The following ADAM32 variants were observed in gnomAD, a reference collection of about 807,000 sequenced individuals.
ADAM32 encodes the protein ADAM metallopeptidase domain 32, also known as disintegrin and metalloproteinase domain-containing protein 32.
ADAM32 carries 89 observed loss-of-function variants against 114.9 expected under a neutral mutation model. The ratio of observed to expected loss-of-function variants is 0.77; its 90% CI spans 0.65 to 0.92. The LOEUF is 0.92. ADAM32 is among the 40% of genes least tolerant of loss of function. ADAM32 has a pLI of 0.00. For missense variants in ADAM32, 870 were observed against 932.8 expected, an observed-to-expected ratio of 0.93 and a Z score of 0.88; for synonymous variants, 285 against 307.5, an observed-to-expected ratio of 0.93 and a Z score of 0.77.
At chr8:39,233,821 C>T (rs1015224533) in intron 15 of ADAM32, 78 bp from the exon 16 acceptor site, 35 of 988,436 alleles carry the variant, frequency 3.5e-5, no homozygotes, top group Non-Finnish European at 4.7e-5. Flanking sequence ...ATTCTTTTTG[C>T]ATCACAGAAA....
chr8:39,140,125 G>A (rs1297028985), intron 3 of ADAM32, among the ~76,000 whole-genome samples: 1 of 152,124 alleles, frequency 6.6e-6, no homozygotes, highest in Non-Finnish European at 1.5e-5. Context: ...TGCAAACAGG[G>A]ACAATTTGAC....
chr8:39,199,463 G>A (rs775363353), intron 11 of ADAM32, among the ~76,000 whole-genome samples: 29 of 152,088 alleles, frequency 1.9e-4, no homozygotes, highest in Non-Finnish European at 3.5e-4. Context: ...TCTTTCTTCT[G>A]ATTAATCTGG....
At chr8:39,161,468 C>A (rs560318280) in intron 7 of ADAM32, among the ~76,000 whole-genome samples, 2 of 152,148 alleles carry the variant, frequency 1.3e-5, no homozygotes, top group African/African-American at 4.8e-5. Context: ...AAGAGTACCT[C>A]GAGATTCCTA....
In ADAM32 at chr8:39,216,462, C is replaced by T. The variant is rs556113873; in HGVS notation, c.1233+5138C>T. Among the ~76,000 whole-genome samples, 5 of 151,740 alleles carry T rather than the reference C, an allele frequency of 3.3e-5. No individual in the cohort carries two copies. The South Asian group carries it at 1.0e-3, about 32-fold the overall frequency. On this transcript the variant is annotated intron_variant, in intron 12 of 24. Transcript: ENST00000379907. ...CTTTTGTTATTTGTCTTTCTTCTTC[C>T]TTTCCTTTCCCCTTTCTCCTCTTTC... is the stretch of plus-strand genomic sequence containing the variant.
chr8:39,120,547 A>C (rs1265061400), intron 2 of ADAM32, among the ~76,000 whole-genome samples: 2 of 152,136 alleles, frequency 1.3e-5, no homozygotes, highest in Admixed American at 1.3e-4. Context: ...AGATTACCTG[A>C]GGTCAGGAGT....
chr8:39,198,078 T>G (rs762485936), intron 11 of ADAM32, among the ~76,000 whole-genome samples: 2 of 151,760 alleles, frequency 1.3e-5, no homozygotes, highest in East Asian at 1.9e-4. Context: ...AATGACTTGG[T>G]TTTTTTTATG....
chr8:39,196,792 GTTTTC>G (rs1489169138), intron 11 of ADAM32, among the ~76,000 whole-genome samples: 4 of 151,868 alleles, frequency 2.6e-5, no homozygotes, highest in Non-Finnish European at 5.9e-5. Flanking sequence ...TTGGCCTGTA[GTTTTC>G]TTTTTTTTTG....
At chr8:39,186,417 G>C (rs1806250587) in intron 10 of ADAM32, among the ~76,000 whole-genome samples, 1 of 152,082 alleles carries the variant, frequency 6.6e-6, no homozygotes, top group South Asian at 2.1e-4. Flanking sequence ...TGTTTTCTGT[G>C]GCTTCTTTTC....
intron 16 of ADAM32, among the ~76,000 whole-genome samples, chr8:39,236,635 G>C (rs1299995204): frequency 6.6e-6 from 1 of 152,072 alleles, no homozygotes; most frequent in Non-Finnish European, 1.5e-5. Context: ...TGGTACATTT[G>C]TAATAATTGA....
intron 1 of ADAM32, 51 bp downstream of exon 1, chr8:39,107,884 C>T: frequency 6.8e-7 from 1 of 1,480,044 alleles, no homozygotes; most frequent in Non-Finnish European, 9.0e-7. Flanking sequence ...CACACTGCGG[C>T]CCGACTCCCT....
chr8:39,132,913 A>C (rs1410777836), intron 2 of ADAM32, among the ~76,000 whole-genome samples: 1 of 152,002 alleles, frequency 6.6e-6, no homozygotes, highest in Admixed American at 6.6e-5. Context: ...TTGACTTTCA[A>C]CATATTAAAT....
At chr8:39,196,130 A>G (rs1806969014) in intron 11 of ADAM32, among the ~76,000 whole-genome samples, 1 of 152,162 alleles carries the variant, frequency 6.6e-6, no homozygotes, top group Non-Finnish European at 1.5e-5. Flanking sequence ...TTCTTGATTT[A>G]TTATTCAGCT....
intron 3 of ADAM32, among the ~76,000 whole-genome samples, chr8:39,146,478 T>C (rs1212351270): frequency 6.7e-6 from 1 of 150,014 alleles, no homozygotes; most frequent in Non-Finnish European, 1.5e-5. Context: ...TGGTGTGATC[T>C]CAGCTCACTG....
Position 39,107,801 on chromosome 8 carries a change from C to A in ADAM32, c.26C>A (p.Ala9Asp). MFRLWLLL[A>D]GLCGLLASRP... The stretch of plus-strand genomic sequence containing the variant: ...ATGTTCCGCCTCTGGTTGCTGCTGG[C>A]CGGGCTCTGCGGCCTCCTGGCGTCA... Residue 9 changes from alanine (A) to aspartate (D), a missense_variant, in exon 1 of 25, where the codon GCC becomes GAC. By Grantham distance (126) the Ala-to-Asp change is moderately radical. Coordinates refer to ENST00000379907, the MANE Select transcript of ADAM32 (RefSeq NM_145004.7). 2 of 1,549,808 alleles carry A rather than the reference C, an allele frequency of 1.3e-6. No homozygotes were observed. Among genetic ancestry groups the A allele is most frequent in the South Asian group, 2.4e-5 (2 of 83,962 alleles).
At chr8:39,170,173 T>C (rs1585447029) in intron 10 of ADAM32, among the ~76,000 whole-genome samples, 176 bp downstream of exon 10, 1 of 152,272 alleles carries the variant, frequency 6.6e-6, no homozygotes, top group African/African-American at 2.4e-5. Flanking sequence ...ATCAATATCT[T>C]GTTGCAATTA....
chr8:39,193,633 G>A (rs1265594789), intron 11 of ADAM32, among the ~76,000 whole-genome samples: 5 of 152,084 alleles, frequency 3.3e-5, no homozygotes, highest in Non-Finnish European at 5.9e-5. Context: ...GTGGGCTGGT[G>A]TTCCTTCAAT....
At chr8:39,284,488 G>C (rs996194826) in intron 24 of ADAM32, among the ~76,000 whole-genome samples, 2 of 151,738 alleles carry the variant, frequency 1.3e-5, no homozygotes, top group Admixed American at 1.3e-4. Context: ...TCTAAAACAT[G>C]TAAAGACATT....
chr8:39,173,594 T>A (rs1585454961), intron 10 of ADAM32, among the ~76,000 whole-genome samples: 1 of 152,300 alleles, frequency 6.6e-6, no homozygotes, highest in African/African-American at 2.4e-5. Context: ...TGCAAAAATT[T>A]TCTCCCCCTC....
At chr8:39,147,809 T>C (rs890950731) in intron 4 of ADAM32, among the ~76,000 whole-genome samples, 1 of 152,176 alleles carries the variant, frequency 6.6e-6, no homozygotes, top group African/African-American at 2.4e-5. Context: ...TATTTATTTA[T>C]TTTGCCCAGG....
Sources: allele counts gnomAD v4.1 joint callset (sites outside exome capture counted in the v4.1 genomes callset), GRCh38; gene constraint gnomAD v4.1.1; transcripts MANE v1.5; gene names NCBI Gene and HGNC (gene_info 2026-07-23, HGNC 2026-07-21).